The following CDH13 variants were observed in gnomAD, a reference collection of about 807,000 sequenced individuals.
CDH13 encodes cadherin-13.
In CDH13, 24 loss-of-function variants were observed where a neutral mutation model predicts 63.8. The observed-to-expected ratio is 0.38, with a 90% CI of 0.27 to 0.53. The LOEUF (loss-of-function observed/expected upper bound fraction) is 0.53, where lower values mean the gene tolerates loss of function less well. CDH13 is among the 20% of genes least tolerant of loss of function. The pLI is 0.85. For synonymous variants in CDH13, 503 were observed against 355.3 expected, an observed-to-expected ratio of 1.42 and a Z score of -4.67; for missense variants, 1,049 against 903.1, an observed-to-expected ratio of 1.16 and a Z score of -2.07.
chr16:82,971,261 G>C (rs1364135994), intron 2 of CDH13, among the ~76,000 whole-genome samples: 1 of 152,192 alleles, frequency 6.6e-6, no homozygotes, highest in Non-Finnish European at 1.5e-5. Flanking sequence ...TTTGATAACA[G>C]CCGTTTTGTT....
At chr16:83,320,726 C>T (rs968199075) in intron 5 of CDH13, among the ~76,000 whole-genome samples, 6 of 152,230 alleles carry the variant, frequency 3.9e-5, no homozygotes, top group South Asian at 4.1e-4. Flanking sequence ...TCATTAGTTC[C>T]GGTTGCTTAT....
At chr16:83,480,595 G>A (rs972254744) in intron 6 of CDH13, among the ~76,000 whole-genome samples, 16 of 152,164 alleles carry the variant, frequency 1.1e-4, no homozygotes, top group Admixed American at 1.0e-3. Flanking sequence ...AGTCACATTT[G>A]CAACAATTCT....
chr16:83,583,142 C>T (rs927458998), intron 7 of CDH13, among the ~76,000 whole-genome samples: 4 of 152,152 alleles, frequency 2.6e-5, no homozygotes, highest in Admixed American at 6.5e-5. Flanking sequence ...CTGCTTCCAC[C>T]TTCAGGGGCC....
chr16:83,611,538 T>A (rs1454006401), intron 8 of CDH13, among the ~76,000 whole-genome samples: 1 of 152,038 alleles, frequency 6.6e-6, no homozygotes, highest in East Asian at 1.9e-4. Flanking sequence ...TGTTTCTTTG[T>A]TTTTTTCCTT....
At chr16:82,668,886 G>A (rs964962335) in intron 1 of CDH13, among the ~76,000 whole-genome samples, 6 of 152,234 alleles carry the variant, frequency 3.9e-5, no homozygotes, top group African/African-American at 1.4e-4. Context: ...ACTTCAGCAA[G>A]TTCCAGAATT....
At chr16:83,029,676 T>G (rs2151469012) in intron 2 of CDH13, among the ~76,000 whole-genome samples, 1 of 152,180 alleles carries the variant, frequency 6.6e-6, no homozygotes, top group South Asian at 2.1e-4. Context: ...AAAACCAATC[T>G]GTGGTATTAG....
At chr16:83,067,241 G>A (rs929892427) in intron 3 of CDH13, among the ~76,000 whole-genome samples, 7 of 152,210 alleles carry the variant, frequency 4.6e-5, no homozygotes, top group Non-Finnish European at 7.3e-5. Flanking sequence ...TCTGAGTAAT[G>A]TTGATAAGTA....
Position 82,899,100 on chromosome 16 carries a change from G to C in CDH13, c.157+40627G>C, listed in dbSNP as rs147450929. On this transcript the variant is annotated intron_variant, in intron 2 of 13. Coordinates refer to ENST00000567109, the MANE Select transcript of CDH13 (RefSeq NM_001257.5). ...AGGGTCCATCACAGTGTCCACTTCA[G>C]TTGTCTAGAGAAATAGAGGGCACAG... is the stretch of plus-strand genomic sequence containing the variant. Among the ~76,000 whole-genome samples the C allele has an allele frequency of 4.0e-3, 602 of 152,302 alleles. 3 individuals carry two copies. The highest frequency in any genetic ancestry group is 6.3e-3 in the Admixed American group (97 of 15,300).
At position 83,798,696 on chromosome 16, in the gene CDH13, C is replaced by G. The variant is rs1051099349; in HGVS notation, c.*3666C>G. On this transcript the variant is annotated 3_prime_UTR_variant, in exon 14 of 14. Transcript: ENST00000567109. ...AAGTGCCTACTGCAGACCGGAAGAC[C>G]CTCGTTTGAAGCCTCCATTAGCGTG... 3 of 152,104 alleles carry G rather than the reference C, an allele frequency of 2.0e-5. No individual in the cohort carries two copies. Among genetic ancestry groups the G allele is most frequent in the African/African-American group, 7.2e-5 (3 of 41,388 alleles). The allele number at this position is 152,104 out of a possible 1,614,324, so 9.4% of individuals were successfully genotyped here.
chr16:83,289,876 C>A (rs1397571592), intron 5 of CDH13, among the ~76,000 whole-genome samples: 3 of 152,178 alleles, frequency 2.0e-5, no homozygotes, highest in Non-Finnish European at 4.4e-5. Flanking sequence ...GTGGGCTGTA[C>A]TTTCATCCAG....
At chr16:83,400,276 T>G (rs1011383768) in intron 6 of CDH13, among the ~76,000 whole-genome samples, 1 of 152,168 alleles carries the variant, frequency 6.6e-6, no homozygotes, top group African/African-American at 2.4e-5. Context: ...CGTTGTAAAT[T>G]TTCTCACAGT....
At chr16:83,485,584 C>T (rs766773897) in intron 6 of CDH13, among the ~76,000 whole-genome samples, 8 of 152,070 alleles carry the variant, frequency 5.3e-5, no homozygotes, top group Non-Finnish European at 1.0e-4. Context: ...TGCCTTTTTG[C>T]TCTGAGGTCC....
At chr16:83,511,624 G>A (rs1174603835) in intron 7 of CDH13, among the ~76,000 whole-genome samples, 10 of 152,114 alleles carry the variant, frequency 6.6e-5, no homozygotes, top group Admixed American at 6.5e-4. Context: ...TATTATGCTT[G>A]TCTCACTAAA....
chr16:82,633,256 G>T (rs1413372083), intron 1 of CDH13, among the ~76,000 whole-genome samples: 5 of 152,202 alleles, frequency 3.3e-5, no homozygotes, highest in African/African-American at 7.2e-5. Context: ...CTCCCTCACG[G>T]TATAGACATA....
chr16:83,549,575 C>T (rs532187810), intron 7 of CDH13, among the ~76,000 whole-genome samples: 5 of 151,718 alleles, frequency 3.3e-5, no homozygotes, highest in Non-Finnish European at 7.4e-5. Flanking sequence ...GCATAGAGCA[C>T]TCCCTAACCC....
chr16:83,252,247 A>T (rs1905659151), intron 5 of CDH13, among the ~76,000 whole-genome samples: 1 of 141,500 alleles, frequency 7.1e-6, no homozygotes, highest in African/African-American at 2.6e-5. Context: ...GATTCTCTTG[A>T]TGTGTTTGCT....
intron 5 of CDH13, among the ~76,000 whole-genome samples, chr16:83,310,353 G>A (rs1457202167): frequency 6.6e-6 from 1 of 152,220 alleles, no homozygotes; most frequent in Non-Finnish European, 1.5e-5. Context: ...CTTGAGAACA[G>A]AAAATGAGTA....
intron 1 of CDH13, among the ~76,000 whole-genome samples, chr16:82,656,279 C>T (rs1354693167): frequency 6.6e-6 from 1 of 151,478 alleles, no homozygotes; most frequent in African/African-American, 2.4e-5. Flanking sequence ...GAGAAAGAGG[C>T]TGGAGTGCAC....
At chr16:83,016,180 G>A (rs558843126) in intron 2 of CDH13, among the ~76,000 whole-genome samples, 3 of 152,236 alleles carry the variant, frequency 2.0e-5, no homozygotes, top group African/African-American at 7.2e-5. Context: ...CTACAGGGCT[G>A]ATTATTTTCT....
Sources: allele counts gnomAD v4.1 joint callset (sites outside exome capture counted in the v4.1 genomes callset), GRCh38; gene constraint gnomAD v4.1.1; transcripts MANE v1.5; gene names NCBI Gene and HGNC (gene_info 2026-07-23, HGNC 2026-07-21).